ARRDC1: variants seen among roughly 807,000 people sequenced by gnomAD.
The protein encoded by ARRDC1 is arrestin domain-containing protein 1.
ARRDC1 carries 37 observed loss-of-function variants against 40.1 expected under a neutral mutation model. The observed-to-expected ratio is 0.92, with a 90% CI of 0.71 to 1.21. The LOEUF is 1.21. ARRDC1 is among the 50% of genes most tolerant of loss of function. ARRDC1 has a pLI of 0.00. For missense variants in ARRDC1, 641 were observed against 581.9 expected (o/e 1.10, Z -1.04); for synonymous variants, 310 against 262.5 (o/e 1.18, Z -1.75).
At chr9:137,613,424 G>T in intron 2 of ARRDC1, 36 bp from the exon 3 acceptor site, 1 of 1,602,802 alleles carries the variant, frequency 6.2e-7, no homozygotes, top group Non-Finnish European at 8.5e-7. Flanking sequence ...CCACCTCAGG[G>T]GGGGACTGCC....
At chr9:137,606,126 C>T (rs1842418998) in intron 1 of ARRDC1, among the ~76,000 whole-genome samples, 1 of 151,784 alleles carries the variant, frequency 6.6e-6, no homozygotes, top group Non-Finnish European at 1.5e-5. Context: ...CTGCGACCCT[C>T]CCCGTCCGCG....
At chr9:137,607,602 G>T (rs1842445464) in intron 1 of ARRDC1, among the ~76,000 whole-genome samples, 1 of 152,208 alleles carries the variant, frequency 6.6e-6, no homozygotes, top group South Asian at 2.1e-4. Flanking sequence ...ACTCATGGTG[G>T]GCCCGATGCA....
Position 137,614,457 on chromosome 9 carries a change from C to T in ARRDC1, c.777C>T (p.His259=). The change falls in exon 6 of 8, where the codon CAC becomes CAT. Residue 259 remains histidine (H), a synonymous_variant. Coordinates refer to ENST00000371421, the MANE Select transcript of ARRDC1 (RefSeq NM_152285.4). ...CCCTGCCGGGCTGCAGCCTCATCCACATCGACTACTACTTACAGGTTTGGT... is the reference window on the plus strand; with the variant it reads ...CCCTGCCGGGCTGCAGCCTCATCCATATCGACTACTACTTACAGGTTTGGT... The part of the protein sequence containing the change: ...QSALPGCSLI[H]IDYYLQVSLK... 1 of 1,613,438 alleles carries T rather than the reference C, an allele frequency of 6.2e-7. No homozygotes were observed. The highest frequency in any genetic ancestry group is 8.5e-7 in the Non-Finnish European group (1 of 1,179,950).
rs763362421 is a variant in ARRDC1 at position 137,614,991 on chromosome 9, T to C, written c.1228T>C (p.Tyr410His). Reference protein sequence around the residue: ...ILPPEYSSWGYPYEAPPSYEQ... With the variant: ...ILPPEYSSWGHPYEAPPSYEQ... Reference sequence around the variant, plus strand: ...TCCTCCAGAGTACAGTTCTTGGGGCTACCCCTATGGTGAGTCGACAGCCAG... The same window carrying C: ...TCCTCCAGAGTACAGTTCTTGGGGCCACCCCTATGGTGAGTCGACAGCCAG... The change falls in exon 7 of 8, where the codon TAC becomes CAC. Residue 410 changes from tyrosine to histidine, a missense_variant. Coordinates refer to ENST00000371421, the MANE Select transcript of ARRDC1 (RefSeq NM_152285.4). 1 of 1,613,500 alleles carries C rather than the reference T, an allele frequency of 6.2e-7. No individual in the cohort carries two copies. Among genetic ancestry groups the C allele is most frequent in the Non-Finnish European group, 8.5e-7 (1 of 1,179,808 alleles).
chr9:137,613,081 T>C, intron 2 of ARRDC1, 75 bp downstream of exon 2: 1 of 1,117,916 alleles, frequency 8.9e-7, no homozygotes, highest in Non-Finnish European at 1.3e-6. Context: ...TGTCCTGTCC[T>C]CCCCCTTTCC....
intron 1 of ARRDC1, among the ~76,000 whole-genome samples, chr9:137,609,232 CATTTATTT>C (rs577449196): frequency 2.0e-5 from 3 of 152,080 alleles, no homozygotes; most frequent in South Asian, 2.1e-4. Flanking sequence ...TGTGTTGAGA[CATTTATTT>C]ATTTATTTAT....
chr9:137,606,865 G>C (rs977416761), intron 1 of ARRDC1, among the ~76,000 whole-genome samples: 2 of 152,232 alleles, frequency 1.3e-5, no homozygotes, highest in African/African-American at 4.8e-5. Flanking sequence ...GCTGGATCCT[G>C]GTTGAGGGCT....
intron 1 of ARRDC1, among the ~76,000 whole-genome samples, chr9:137,609,971 AC>A (rs1255373212): frequency 6.6e-6 from 1 of 151,250 alleles, no homozygotes; most frequent in African/African-American, 2.4e-5. Context: ...CCGCCACCAC[AC>A]CCGGCTAATT....
chr9:137,605,822 G>C lies in ARRDC1; in HGVS notation c.105G>C (p.Pro35=), dbSNP rs1842412644. 1 of 1,267,554 alleles carries C rather than the reference G, an allele frequency of 7.9e-7. No homozygotes were observed. Among genetic ancestry groups the C allele is most frequent in the African/African-American group, 1.6e-5 (1 of 64,168 alleles). 78.5% of individuals were successfully genotyped at this position (1,267,554 alleles called of 1,614,324 possible). Residue 35 remains proline, a synonymous_variant, in exon 1 of 8, where the codon CCG becomes CCC. Transcript: ENST00000371421. ...CCGTGCGCGTGCGCCTGGGGGCACC[G>C]CTGCCGTTCCGAGGTGGGCGCGGGT... is the stretch of plus-strand genomic sequence containing the variant. ...AGTVRVRLGA[P]LPFRAIRVTC...
rs959941388 is a variant in ARRDC1, at chr9:137,614,788, GGCA to G, written c.1028_1030del (p.Gln343del). On this transcript the variant is annotated inframe_deletion, in exon 7 of 8. Coordinates refer to ENST00000371421, the MANE Select transcript of ARRDC1 (RefSeq NM_152285.4). The stretch of plus-strand genomic sequence containing the variant: ...CTCTCCACCAAGAGCCATTCGCAGC[GGCA>G]GCCCCTGCTGGCCACCTTGAGTTCT... 1.4e-5 allele frequency: 23 copies of G among 1,612,258 alleles called. No homozygotes were observed. The highest frequency in any genetic ancestry group is 4.2e-6 in the Non-Finnish European group (5 of 1,179,444).
Position 137,614,063 on chromosome 9 carries a change from TCTC to T in ARRDC1, c.470_472del (p.Ser157del), listed in dbSNP as rs1194523431. 2.2e-5 allele frequency: 36 copies of T among 1,613,076 alleles called. No individual in the cohort carries two copies. Among genetic ancestry groups the T allele is most frequent in the Non-Finnish European group, 3.0e-5 (35 of 1,179,752 alleles). Reference sequence around the variant, plus strand: ...AACGTGGCCTCTGCCACCAAGAAGTTCTCCTACAAGCTGGTGAAGACGGGCAGC... The same window carrying T: ...AACGTGGCCTCTGCCACCAAGAAGTTCTACAAGCTGGTGAAGACGGGCAGC... On this transcript the variant is annotated inframe_deletion, in exon 5 of 8. Coordinates refer to ENST00000371421, the MANE Select transcript of ARRDC1 (RefSeq NM_152285.4).
chr9:137,607,652 C>T (rs368123287), intron 1 of ARRDC1, among the ~76,000 whole-genome samples: 3 of 152,350 alleles, frequency 2.0e-5, no homozygotes, highest in African/African-American at 7.2e-5. Flanking sequence ...AGTTAACCCT[C>T]AGCGCCCTGG....
At chr9:137,613,351 G>T in intron 2 of ARRDC1, 109 bp from the exon 3 acceptor site, 1 of 1,228,600 alleles carries the variant, frequency 8.1e-7, no homozygotes, top group Non-Finnish European at 1.2e-6. Flanking sequence ...GAGACAGGGA[G>T]ACCCAGTGTG....
chr9:137,607,762 G>T (rs1334389352), intron 1 of ARRDC1, among the ~76,000 whole-genome samples: 1 of 152,150 alleles, frequency 6.6e-6, no homozygotes, highest in Non-Finnish European at 1.5e-5. Flanking sequence ...AGTCCTTTGG[G>T]ATGAGGATGA....
In ARRDC1 at chr9:137,613,450, G is replaced by C. The variant is rs1842579617; in HGVS notation, c.230-10G>C. On this transcript the variant is annotated splice_polypyrimidine_tract_variant and intron_variant, in intron 2 of 7. Transcript: ENST00000371421. ...GGGGACTGCCCCCCACCTCCCTCCT[G>C]TCTCTGCAGGGAGCCTGCCCGCTGG... 6.2e-7 allele frequency: 1 copy of C among 1,610,244 alleles called. No homozygotes were observed. The highest frequency in any genetic ancestry group is 1.7e-5 in the Admixed American group (1 of 59,864).
At position 137,614,438 on chromosome 9, in the gene ARRDC1, C is replaced by A; in HGVS notation, c.758C>A (p.Pro253Gln). 2 of 1,613,346 alleles carry A rather than the reference C, an allele frequency of 1.2e-6. No homozygotes were observed. Among genetic ancestry groups the A allele is most frequent in the Non-Finnish European group, 1.7e-6 (2 of 1,179,950 alleles). Reference protein sequence around the residue: ...LVPALPQSALPGCSLIHIDYY... With the variant: ...LVPALPQSALQGCSLIHIDYY... Reference sequence around the variant, plus strand: ...CCTGCCTTGCCCCAGTCGGCCCTGCCGGGCTGCAGCCTCATCCACATCGAC... The same window carrying A: ...CCTGCCTTGCCCCAGTCGGCCCTGCAGGGCTGCAGCCTCATCCACATCGAC... Residue 253 changes from proline to glutamine, a missense_variant, in exon 6 of 8, where the codon CCG becomes CAG. Pro to Gln is a moderately conservative substitution (Grantham distance 76). Coordinates refer to ENST00000371421, the MANE Select transcript of ARRDC1 (RefSeq NM_152285.4).
intron 1 of ARRDC1, among the ~76,000 whole-genome samples, chr9:137,610,151 C>G (rs898111915): frequency 6.6e-6 from 1 of 152,162 alleles, no homozygotes; most frequent in Non-Finnish European, 1.5e-5. Flanking sequence ...GACATCTGTT[C>G]CAGTTACCTA....
rs1255429737 is a variant in ARRDC1 at position 137,615,214 on chromosome 9, T to C, written c.*76T>C. 38 of 1,370,948 alleles carry C rather than the reference T, an allele frequency of 2.8e-5. No homozygotes were observed. The allele number at this position is 1,370,948 out of a possible 1,614,324, so 84.9% of individuals were successfully genotyped here. A position where few individuals can be genotyped will look rare whatever the true frequency, so the allele number is the denominator to read the frequency against. On this transcript the variant is annotated 3_prime_UTR_variant, in exon 8 of 8. Coordinates refer to ENST00000371421, the MANE Select transcript of ARRDC1 (RefSeq NM_152285.4). The stretch of plus-strand genomic sequence containing the variant: ...CGCCCAGGGCCTCGTGCCTTCTCTC[T>C]TGGCCTAGCCTGGCCCACTCAGGAC...
At chr9:137,610,911 G>T (rs1171295493) in intron 1 of ARRDC1, among the ~76,000 whole-genome samples, 2 of 152,154 alleles carry the variant, frequency 1.3e-5, no homozygotes, top group African/African-American at 2.4e-5. Flanking sequence ...CAGCCAGGCT[G>T]GTCTTGAACT....
Sources: gnomAD v4.1 joint callset for allele counts (sites outside exome capture counted in the v4.1 genomes callset) on GRCh38, gnomAD v4.1.1 for gene constraint, MANE v1.5 for transcripts, NCBI Gene and HGNC (gene_info 2026-07-23, HGNC 2026-07-21) for gene names.